The following TMCO1 variants were observed in gnomAD, a reference collection of about 807,000 sequenced individuals.
TMCO1 encodes calcium load-activated calcium channel.
In TMCO1, 29 loss-of-function variants were observed where a neutral mutation model predicts 29.3. The observed-to-expected ratio is 0.99, with a 90% CI of 0.74 to 1.35. TMCO1 has a LOEUF of 1.35. TMCO1 is among the 40% of genes most tolerant of loss of function. The probability of loss-of-function intolerance (pLI) is 0.00; values close to 1 mark genes in which losing one functional copy is unlikely to be tolerated. For synonymous variants in TMCO1, 80 were observed against 77.1 expected (o/e 1.04, Z -0.20); for missense variants, 173 against 225.5 (o/e 0.77, Z 1.49).
chr1:165,746,751 T>C (rs73022541), intron 5 of TMCO1, among the ~76,000 whole-genome samples: 2,020 of 152,294 alleles, frequency 0.013, 54 homozygotes, highest in African/African-American at 0.047. Flanking sequence ...ATTTTACCTT[T>C]GAGTATTTAA....
chr1:165,752,502 G>A (rs947280831), intron 4 of TMCO1, among the ~76,000 whole-genome samples: 2 of 151,466 alleles, frequency 1.3e-5, no homozygotes, highest in African/African-American at 2.4e-5. Context: ...TGACCCCCCC[G>A]CCTCGGCCTC....
At chr1:165,763,815 T>A (rs764193766) in intron 2 of TMCO1, among the ~76,000 whole-genome samples, 2 of 152,018 alleles carry the variant, frequency 1.3e-5, no homozygotes, top group African/African-American at 4.8e-5. Context: ...TTTGTAGAGA[T>A]GGGGTTTTGC....
Position 165,768,187 on chromosome 1 carries a change from C to A in TMCO1, c.148+5G>T. On this transcript the variant is annotated splice_donor_5th_base_variant and intron_variant, in intron 2 of 6. Transcript: ENST00000367881. ...AAATTATTTCTAATGTGTTGCCATA[C>A]TCACATTTTTTACTCTGTTTTTCCA... 3.1e-6 allele frequency: 5 copies of A among 1,608,978 alleles called. No homozygotes were observed. The highest frequency in any genetic ancestry group is 4.3e-6 in the Non-Finnish European group (5 of 1,175,346).
At chr1:165,725,893 ATG>A (rs1265119736), downstream of TMCO1, 3 of 573,756 alleles carry the variant, frequency 5.2e-6, no homozygotes, top group African/African-American at 3.7e-5. Context: ...AAAAATTTTA[ATG>A]AATAGGGTGA....
intron 6 of TMCO1, among the ~76,000 whole-genome samples, chr1:165,730,962 C>T (rs763997962): frequency 2.0e-5 from 3 of 150,644 alleles, no homozygotes; most frequent in Non-Finnish European, 4.4e-5. Flanking sequence ...TGCAGTGGTG[C>T]GATCTTGGCT....
At chr1:165,739,278 G>A (rs566995977) in intron 6 of TMCO1, among the ~76,000 whole-genome samples, 8 of 152,236 alleles carry the variant, frequency 5.3e-5, no homozygotes, top group Admixed American at 1.3e-4. Flanking sequence ...ACAGTTTGCC[G>A]ATCCGCACTG....
At chr1:165,753,409 T>G (rs6662839) in intron 4 of TMCO1, among the ~76,000 whole-genome samples, 133,506 of 149,344 alleles carry the variant, frequency 0.89, 59,770 homozygotes, top group East Asian at 0.99. Flanking sequence ...GGTGGCAGAG[T>G]TTGCAGTCAG....
At chr1:165,747,796 G>T (rs1323849411) in intron 5 of TMCO1, among the ~76,000 whole-genome samples, 1 of 152,176 alleles carries the variant, frequency 6.6e-6, no homozygotes. Context: ...AGCAAGTTAA[G>T]TGACTTAGAG....
intron 5 of TMCO1, among the ~76,000 whole-genome samples, chr1:165,746,923 T>C (rs1651819608): frequency 6.6e-6 from 1 of 152,106 alleles, no homozygotes; most frequent in African/African-American, 2.4e-5. Context: ...AATTAAAAGC[T>C]AGGAGAGTTC....
intron 6 of TMCO1, among the ~76,000 whole-genome samples, chr1:165,739,894 T>C (rs1651525178): frequency 6.6e-6 from 1 of 151,878 alleles, no homozygotes; most frequent in East Asian, 2.0e-4. Context: ...GTGGATCACC[T>C]GAGGTCAGGA....
At chr1:165,738,149 T>G (rs1651458264) in intron 6 of TMCO1, among the ~76,000 whole-genome samples, 1 of 152,068 alleles carries the variant, frequency 6.6e-6, no homozygotes, top group Admixed American at 6.6e-5. Flanking sequence ...AAAAATTAGC[T>G]GGGTGTGGTG....
chr1:165,735,879 G>T (rs1427487116), intron 6 of TMCO1, among the ~76,000 whole-genome samples: 1 of 152,160 alleles, frequency 6.6e-6, no homozygotes, highest in Non-Finnish European at 1.5e-5. Context: ...TAAAATAACT[G>T]ACCTGAGACT....
At position 165,768,837 on chromosome 1, in the gene TMCO1, A is replaced by G; in HGVS notation, c.-86T>C. 1 of 1,593,286 alleles carries G rather than the reference A, an allele frequency of 6.3e-7. No homozygotes were observed. The highest frequency in any genetic ancestry group is 1.1e-5 in the South Asian group (1 of 89,204). On this transcript the variant is annotated 5_prime_UTR_variant, in exon 1 of 7. Coordinates refer to ENST00000367881, the MANE Select transcript of TMCO1 (RefSeq NM_019026.6). ...AGTGAAGCGAAAACGGCTTCCGTAGACTCCGCCACCACCGAGTAACAGACC... is the reference window on the plus strand; with the variant it reads ...AGTGAAGCGAAAACGGCTTCCGTAGGCTCCGCCACCACCGAGTAACAGACC...
intron 5 of TMCO1, among the ~76,000 whole-genome samples, chr1:165,744,717 G>A (rs1416928599): frequency 1.3e-5 from 2 of 149,012 alleles, no homozygotes; most frequent in African/African-American, 2.5e-5. Context: ...TTGAACCCGC[G>A]AGGCAGAGGT....
At chr1:165,725,093 C>T (rs1326244868), downstream of TMCO1, 1 of 397,356 alleles carries the variant, frequency 2.5e-6, no homozygotes, top group South Asian at 1.9e-5. Context: ...ATTTTTCATT[C>T]TAAAATTTTT....
chr1:165,725,939 C>A (rs936977094), downstream of TMCO1: 3 of 651,136 alleles, frequency 4.6e-6, no homozygotes, highest in Non-Finnish European at 8.5e-6. Flanking sequence ...ACTTCTCCCT[C>A]TTATTTATTC....
intron 5 of TMCO1, among the ~76,000 whole-genome samples, chr1:165,750,824 C>T (rs1473617697): frequency 6.6e-6 from 1 of 152,050 alleles, no homozygotes; most frequent in Non-Finnish European, 1.5e-5. Flanking sequence ...AATCCCAGCA[C>T]TTTGGGAGGC....
intron 2 of TMCO1, among the ~76,000 whole-genome samples, chr1:165,760,409 C>T (rs1009492485): frequency 2.1e-5 from 3 of 141,314 alleles, no homozygotes; most frequent in Non-Finnish European, 3.0e-5. Context: ...CCAGTCTGGG[C>T]AATAGAGCGA....
chr1:165,748,342 G>T lies in TMCO1; in HGVS notation c.323+3760C>A, dbSNP rs143443988. Among the ~76,000 whole-genome samples, 6 of 152,234 alleles carry T rather than the reference G, an allele frequency of 3.9e-5. No homozygotes were observed. In the East Asian group the frequency reaches 1.2e-3, roughly 29 times the overall value. ...CCTGAGGGAGCGAAAGCAGGCTATT[G>T]TGATACCAAGCAAAAAGTAATAGCA... On this transcript the variant is annotated intron_variant, in intron 5 of 6. Transcript: ENST00000367881.
Sources: allele counts gnomAD v4.1 joint callset (sites outside exome capture counted in the v4.1 genomes callset), GRCh38; gene constraint gnomAD v4.1.1; transcripts MANE v1.5; gene names NCBI Gene and HGNC (gene_info 2026-07-23, HGNC 2026-07-21).